Variants in COL24A1 observed in about 807,000 individuals in gnomAD.
COL24A1 encodes collagen type XXIV alpha 1 chain, also known as collagen alpha-1(XXIV) chain.
Under a neutral mutation model 253.9 loss-of-function variants are expected in COL24A1, and 224 were observed. That is an observed-to-expected ratio of 0.88 (90% CI 0.79 to 0.99). The LOEUF is 0.99. Ranked by LOEUF, COL24A1 falls within the 50% of genes least tolerant of loss-of-function variation. COL24A1 has a pLI of 0.00. For synonymous variants in COL24A1, 685 were observed against 673.7 expected (o/e 1.02, Z -0.26); for missense variants, 2,131 against 2,068.5 (o/e 1.03, Z -0.59).
chr1:85,760,540 G>C (rs1011113690), intron 55 of COL24A1, among the ~76,000 whole-genome samples: 17 of 152,124 alleles, frequency 1.1e-4, no homozygotes, highest in African/African-American at 3.6e-4. Context: ...AAGAGTTCCT[G>C]ATCTGCTGAG....
intron 37 of COL24A1, among the ~76,000 whole-genome samples, chr1:85,852,551 T>A (rs1677887996): frequency 6.6e-6 from 1 of 152,182 alleles, no homozygotes; most frequent in South Asian, 2.1e-4. Context: ...TTAAGTGTAT[T>A]CATTAATATA....
chr1:85,954,549 T>C (rs1486730332), intron 24 of COL24A1, among the ~76,000 whole-genome samples: 1 of 152,218 alleles, frequency 6.6e-6, no homozygotes, highest in Non-Finnish European at 1.5e-5. Flanking sequence ...ATCATTATTT[T>C]CCAGGGTGTC....
chr1:85,797,965 G>A (rs767650035), intron 47 of COL24A1, among the ~76,000 whole-genome samples: 8 of 152,088 alleles, frequency 5.3e-5, no homozygotes, highest in Non-Finnish European at 1.0e-4. Context: ...GGCCGAGGTG[G>A]GATAACTGCT....
chr1:86,112,930 A>T (rs1705752333), intron 4 of COL24A1, among the ~76,000 whole-genome samples: 1 of 152,122 alleles, frequency 6.6e-6, no homozygotes, highest in Non-Finnish European at 1.5e-5. Context: ...GCCTCAGGAC[A>T]TTTCTTATAC....
At chr1:86,077,803 A>G (rs1702359126) in intron 7 of COL24A1, among the ~76,000 whole-genome samples, 1 of 151,288 alleles carries the variant, frequency 6.6e-6, no homozygotes, top group African/African-American at 2.4e-5. Context: ...ACACATGGAC[A>G]CAGGGAGGGG....
At chr1:85,740,953 C>CCAAAA (rs1664554212) in intron 57 of COL24A1, among the ~76,000 whole-genome samples, 1 of 83,030 alleles carries the variant, frequency 1.2e-5, no homozygotes, top group South Asian at 5.2e-4. Context: ...TCTAAAAATA[C>CCAAAA]AAAAAAAAAA....
At chr1:85,748,429 C>G (rs1331707007) in intron 55 of COL24A1, among the ~76,000 whole-genome samples, 1 of 152,072 alleles carries the variant, frequency 6.6e-6, no homozygotes, top group African/African-American at 2.4e-5. Context: ...ATCTAGGAGA[C>G]AGCAAAAGTG....
intron 5 of COL24A1, among the ~76,000 whole-genome samples, chr1:86,094,360 G>C (rs559661171): frequency 5.3e-5 from 8 of 152,214 alleles, no homozygotes; most frequent in African/African-American, 1.7e-4. Context: ...GATGGAGCTA[G>C]AAATCATTAT....
At chr1:86,108,539 T>C (rs1050903113) in intron 5 of COL24A1, among the ~76,000 whole-genome samples, 7 of 146,230 alleles carry the variant, frequency 4.8e-5, no homozygotes, top group African/African-American at 7.6e-5. Flanking sequence ...TCCCAGCACT[T>C]TGGGAGGTCA....
chr1:86,097,483 CCTCCTCCCTCCTCCTCCCTT>C (rs1704014084), intron 5 of COL24A1, among the ~76,000 whole-genome samples: 1 of 51,120 alleles, frequency 2.0e-5, no homozygotes, highest in Non-Finnish European at 4.0e-5. Flanking sequence ...CCTCCCTCCT[CCTCCTCCCTCCTCCTCCCTT>C]CTCCTCCTCC....
At chr1:86,148,160 T>C (rs934561311) in intron 1 of COL24A1, among the ~76,000 whole-genome samples, 1 of 151,708 alleles carries the variant, frequency 6.6e-6, no homozygotes, top group Non-Finnish European at 1.5e-5. Flanking sequence ...TGGAATTACC[T>C]GGGGAGTTTT....
chr1:85,847,820 T>C (rs1331840494), intron 38 of COL24A1, 48 bp from the exon 39 acceptor site: 1 of 1,171,390 alleles, frequency 8.5e-7, no homozygotes, highest in South Asian at 1.3e-5. Flanking sequence ...AAATTTATAC[T>C]TAGATTAATT....
intron 47 of COL24A1, among the ~76,000 whole-genome samples, chr1:85,814,090 C>A (rs1053542101): frequency 6.6e-6 from 1 of 152,168 alleles, no homozygotes; most frequent in Admixed American, 6.5e-5. Flanking sequence ...ATTCTGTAAG[C>A]AACCCAGTCA....
chr1:86,066,499 C>T (rs1180467866), intron 7 of COL24A1, among the ~76,000 whole-genome samples: 1 of 151,962 alleles, frequency 6.6e-6, no homozygotes, highest in East Asian at 1.9e-4. Context: ...CCGCCTCGGC[C>T]TCCCAAAGTG....
At chr1:86,124,780 T>C (rs1459397316) in intron 3 of COL24A1, 65 bp downstream of exon 3, 14 of 1,225,240 alleles carry the variant, frequency 1.1e-5, no homozygotes, top group East Asian at 2.5e-5. Context: ...CTTTAAAATG[T>C]ATTTTAAAGA....
At chr1:86,030,937 C>T (rs1698516083) in intron 14 of COL24A1, among the ~76,000 whole-genome samples, 1 of 151,862 alleles carries the variant, frequency 6.6e-6, no homozygotes, top group South Asian at 2.1e-4. Flanking sequence ...TGCTTTGGGA[C>T]AGCTAAAGGT....
At chr1:86,029,223 A>G (rs1284405943) in intron 14 of COL24A1, among the ~76,000 whole-genome samples, 1 of 152,072 alleles carries the variant, frequency 6.6e-6, no homozygotes, top group Non-Finnish European at 1.5e-5. Context: ...ATATACACAT[A>G]AGGGAGTATA....
At chr1:86,015,996 G>A (rs501058) in intron 19 of COL24A1, among the ~76,000 whole-genome samples, 46,985 of 150,646 alleles carry the variant, frequency 0.31, 7,842 homozygotes, top group Middle Eastern at 0.51. Flanking sequence ...GAGTAGCTGG[G>A]ACTACAGGTG....
At position 85,730,509 on chromosome 1, in the gene COL24A1, T is replaced by C. The variant is rs1439527368; in HGVS notation, c.*37A>G. The C allele has an allele frequency of 6.2e-7, 1 of 1,606,924 alleles. No homozygotes were observed. Among genetic ancestry groups the C allele is most frequent in the African/African-American group, 1.3e-5 (1 of 74,766 alleles). Reference sequence around the variant, plus strand: ...TATTTCTCCCTCTGCAGCAATTACCTGGCCAACAGCCTGAATTCGGAACTA... The same window carrying C: ...TATTTCTCCCTCTGCAGCAATTACCCGGCCAACAGCCTGAATTCGGAACTA... On this transcript the variant is annotated 3_prime_UTR_variant, in exon 60 of 60. Coordinates refer to ENST00000370571, the MANE Select transcript of COL24A1 (RefSeq NM_152890.7).
Sources: allele counts gnomAD v4.1 joint callset (sites outside exome capture counted in the v4.1 genomes callset), GRCh38; gene constraint gnomAD v4.1.1; transcripts MANE v1.5; gene names NCBI Gene and HGNC (gene_info 2026-07-23, HGNC 2026-07-21).